NFIB: variants seen among roughly 807,000 people sequenced by gnomAD.
NFIB encodes nuclear factor 1 B-type.
In NFIB, 11 loss-of-function variants were observed where a neutral mutation model predicts 61.5. The observed-to-expected ratio is 0.18, with a 90% confidence interval of 0.11 to 0.30. The LOEUF (loss-of-function observed/expected upper bound fraction) is 0.30, where lower values mean the gene tolerates loss of function less well. Among genes scored for constraint, NFIB ranks in the 10% least tolerant of loss-of-function variants. NFIB has a pLI of 1.00. For synonymous variants in NFIB, 260 were observed against 216.5 expected (o/e 1.20, Z -1.76); for missense variants, 471 against 608.9 (o/e 0.77, Z 2.38).
At chr9:14,220,920 C>T (rs142410539) in intron 2 of NFIB, among the ~76,000 whole-genome samples, 2 of 151,228 alleles carry the variant, frequency 1.3e-5, no homozygotes, top group Non-Finnish European at 3.0e-5. Context: ...CTCTCACCCC[C>T]TCCCAAGGAG....
At chr9:14,249,302 A>G (rs1385800917) in intron 2 of NFIB, among the ~76,000 whole-genome samples, 1 of 152,248 alleles carries the variant, frequency 6.6e-6, no homozygotes, top group Non-Finnish European at 1.5e-5. Context: ...AAGTTTAAAT[A>G]GTAAGTGGTG....
At chr9:14,375,334 TA>T (rs1285044526) in intron 1 of NFIB, among the ~76,000 whole-genome samples, 9 of 152,180 alleles carry the variant, frequency 5.9e-5, no homozygotes, top group Non-Finnish European at 1.3e-4. Context: ...CTAGCTTAGT[TA>T]GTTCCTTTTA....
chr9:14,501,247 G>A, the NFIB span, among the ~76,000 whole-genome samples: 1 of 152,112 alleles, frequency 6.6e-6, no homozygotes, highest in Admixed American at 6.5e-5. Flanking sequence ...CCGCTCCTAT[G>A]ATCATACTAT....
intron 1 of NFIB, among the ~76,000 whole-genome samples, chr9:14,356,893 T>A (rs2061182440): frequency 2.0e-5 from 3 of 152,226 alleles, no homozygotes; most frequent in Admixed American, 2.0e-4. Context: ...GGAGATCCTG[T>A]TTTTAAGGAT....
At chr9:14,098,969 G>A (rs1413739293) in intron 10 of NFIB, among the ~76,000 whole-genome samples, 1 of 152,168 alleles carries the variant, frequency 6.6e-6, no homozygotes, top group Non-Finnish European at 1.5e-5. Flanking sequence ...GTGGATGGAG[G>A]AAATCTTCCA....
At chr9:14,199,115 C>T (rs1004076465) in intron 2 of NFIB, among the ~76,000 whole-genome samples, 3 of 152,188 alleles carry the variant, frequency 2.0e-5, no homozygotes, top group South Asian at 2.1e-4. Context: ...TCTGCAAGTT[C>T]GCTTCTACAG....
chr9:14,435,834 C>A, the NFIB span, among the ~76,000 whole-genome samples: 2 of 152,164 alleles, frequency 1.3e-5, no homozygotes, highest in Admixed American at 6.5e-5. Flanking sequence ...CAGAACCAGG[C>A]TTCTTCTGGA....
intron 1 of NFIB, among the ~76,000 whole-genome samples, chr9:14,385,790 T>C (rs1417951265): frequency 6.6e-6 from 1 of 152,060 alleles, no homozygotes; most frequent in South Asian, 2.1e-4. Context: ...GAATCTTTTT[T>C]TTTTTTTTTT....
At chr9:14,448,342 T>C in the NFIB span, among the ~76,000 whole-genome samples, 6 of 152,228 alleles carry the variant, frequency 3.9e-5, no homozygotes, top group Non-Finnish European at 1.5e-5. Flanking sequence ...TCTATAGTGG[T>C]AGGCATAATT....
intron 1 of NFIB, among the ~76,000 whole-genome samples, chr9:14,333,686 G>A (rs142313716): frequency 3.9e-4 from 60 of 152,162 alleles, no homozygotes; most frequent in Non-Finnish European, 7.8e-4. Flanking sequence ...AGAAATTGTC[G>A]TGTGGTCATA....
chr9:14,380,995 T>C (rs1273616560), intron 1 of NFIB, among the ~76,000 whole-genome samples: 2 of 147,978 alleles, frequency 1.4e-5, no homozygotes, highest in Non-Finnish European at 3.0e-5. Context: ...TGATTTCCTG[T>C]TCCGGGAGGC....
the NFIB span, among the ~76,000 whole-genome samples, chr9:14,521,471 C>A: frequency 2.6e-5 from 4 of 152,160 alleles, no homozygotes; most frequent in African/African-American, 9.7e-5. Context: ...TATTTAAACT[C>A]CCTGGGCCTC....
At chr9:14,291,264 C>A (rs955615922) in intron 2 of NFIB, among the ~76,000 whole-genome samples, 8 of 152,024 alleles carry the variant, frequency 5.3e-5, no homozygotes, top group African/African-American at 1.7e-4. Context: ...GTGGGTGGAT[C>A]ACTCGAGGTC....
chr9:14,327,859 TCAAA>T (rs1169430797), intron 1 of NFIB, among the ~76,000 whole-genome samples: 8 of 151,992 alleles, frequency 5.3e-5, no homozygotes, highest in East Asian at 1.9e-4. Flanking sequence ...TATTCAAAAG[TCAAA>T]CAAACAAAGT....
chr9:14,134,897 C>CAAAAAAAAAAAAAAAAAAA (rs57014530), intron 6 of NFIB, among the ~76,000 whole-genome samples: 1 of 64,336 alleles, frequency 1.6e-5, no homozygotes, highest in African/African-American at 4.6e-5. Flanking sequence ...GACTCTGTCT[C>CAAAAAAAAAAAAAAAAAAA]AAAAAAAAAA....
In NFIB at chr9:14,168,695, T is replaced by C. The variant is rs373279901; in HGVS notation, c.616+11032A>G. ...ATTAAGACATGAGGCAAAATATCGC[T>C]ACAGAGATTAGGAAATGATTAAAAT... On this transcript the variant is annotated intron_variant, in intron 3 of 10. Coordinates refer to ENST00000380953, the MANE Select transcript of NFIB (RefSeq NM_001190737.2). Among the ~76,000 whole-genome samples the C allele has an allele frequency of 2.0e-5, 3 of 152,350 alleles. No individual in the cohort carries two copies. In the South Asian group the frequency reaches 6.2e-4, roughly 32 times the overall value.
At chr9:14,253,576 G>A (rs1238176833) in intron 2 of NFIB, among the ~76,000 whole-genome samples, 1 of 152,140 alleles carries the variant, frequency 6.6e-6, no homozygotes, top group East Asian at 1.9e-4. Context: ...ACACCTGTTA[G>A]TCCCAACTAC....
intron 6 of NFIB, among the ~76,000 whole-genome samples, chr9:14,139,340 T>C (rs1023464681): frequency 2.6e-5 from 4 of 152,182 alleles, no homozygotes; most frequent in Non-Finnish European, 5.9e-5. Context: ...GGGAGTCTAA[T>C]AACTCAAATG....
intron 1 of NFIB, among the ~76,000 whole-genome samples, chr9:14,322,609 G>A (rs1023557548): frequency 6.6e-6 from 1 of 152,032 alleles, no homozygotes; most frequent in Non-Finnish European, 1.5e-5. Context: ...GGCCGGCCTG[G>A]GCGCGCGGGA....
Sources: allele counts gnomAD v4.1 joint callset (sites outside exome capture counted in the v4.1 genomes callset), GRCh38; gene constraint gnomAD v4.1.1; transcripts MANE v1.5; gene names NCBI Gene and HGNC (gene_info 2026-07-23, HGNC 2026-07-21).